The following GAB2 variants were observed in gnomAD, a reference collection of about 807,000 sequenced individuals.
The protein encoded by GAB2 is GRB2 associated binding protein 2.
In GAB2, 26 loss-of-function variants were observed where a neutral mutation model predicts 65.5. The observed-to-expected ratio is 0.40, with a 90% confidence interval of 0.29 to 0.55. The LOEUF is 0.55. GAB2 is among the 20% of genes least tolerant of loss of function. GAB2 has a pLI of 0.53. For synonymous variants in GAB2, 321 were observed against 329.6 expected, an observed-to-expected ratio of 0.97 and a Z score of 0.28; for missense variants, 884 against 875.8, an observed-to-expected ratio of 1.01 and a Z score of -0.12.
At chr11:78,225,704 C>T (rs540276) in intron 4 of GAB2, among the ~76,000 whole-genome samples, 1 of 152,156 alleles carries the variant, frequency 6.6e-6, no homozygotes. Flanking sequence ...AGCTGGGACT[C>T]TAGGGTCTGA....
chr11:78,260,811 T>G (rs940944574), intron 2 of GAB2, among the ~76,000 whole-genome samples: 11 of 152,204 alleles, frequency 7.2e-5, no homozygotes, highest in African/African-American at 2.4e-4. Context: ...ATTTTGCCAT[T>G]TATTCTAATT....
Position 78,226,885 on chromosome 11 carries a change from C to G in GAB2, c.787G>C (p.Asp263His), listed in dbSNP as rs138004774. 35 of 1,614,082 alleles carry G rather than the reference C, an allele frequency of 2.2e-5. No individual in the cohort carries two copies. Among genetic ancestry groups the G allele is most frequent in the Non-Finnish European group, 2.8e-5 (33 of 1,180,024 alleles). Residue 263 changes from aspartate to histidine, a missense_variant, in exon 4 of 10, where the codon GAC (aspartate) becomes CAC (histidine). Asp to His is a moderately conservative substitution (Grantham distance 81). Transcript: ENST00000361507. ...CTGCGGGGGAGGTCGTAGGTACTGT[C>G]TCTGAATTCTGTATTGTGCCGGCTC... ...KPSRHNTEFR[D>H]STYDLPRSLA...
intron 1 of GAB2, among the ~76,000 whole-genome samples, chr11:78,389,356 G>A (rs1856805639): frequency 6.6e-6 from 1 of 151,472 alleles, no homozygotes; most frequent in Non-Finnish European, 1.5e-5. Flanking sequence ...GCCCAGGAAG[G>A]AGTGCAATGG....
intron 1 of GAB2, among the ~76,000 whole-genome samples, chr11:78,320,683 T>C: frequency 1.1e-5 from 1 of 92,692 alleles, no homozygotes; most frequent in Non-Finnish European, 3.6e-5. Context: ...CCCAAGTAGC[T>C]ATGATTACAG....
At chr11:78,227,502 T>C (rs570275396) in intron 3 of GAB2, among the ~76,000 whole-genome samples, 1 of 152,140 alleles carries the variant, frequency 6.6e-6, no homozygotes, top group East Asian at 1.9e-4. Flanking sequence ...AAAAGAATTA[T>C]TTGGGTCAGG....
chr11:78,302,555 G>C (rs1867057368), intron 1 of GAB2, among the ~76,000 whole-genome samples: 1 of 151,740 alleles, frequency 6.6e-6, no homozygotes, highest in South Asian at 2.1e-4. Flanking sequence ...GCAGTGAAAA[G>C]GGAAAACTTC....
intron 1 of GAB2, among the ~76,000 whole-genome samples, chr11:78,313,942 A>T (rs1284386952): frequency 6.6e-6 from 1 of 152,222 alleles, no homozygotes. Context: ...CACATGAAAG[A>T]CTACAGAAAG....
chr11:78,407,330 A>T (rs1857057940), intron 1 of GAB2, among the ~76,000 whole-genome samples: 1 of 152,026 alleles, frequency 6.6e-6, no homozygotes, highest in South Asian at 2.1e-4. Flanking sequence ...CATTGAACGC[A>T]TCCAGAGAAA....
intron 1 of GAB2, among the ~76,000 whole-genome samples, chr11:78,308,945 C>T (rs1417335805): frequency 6.6e-6 from 1 of 152,018 alleles, no homozygotes; most frequent in Non-Finnish European, 1.5e-5. Flanking sequence ...TGGAAACATC[C>T]TGGAAAGATG....
chr11:78,342,414 T>G (rs957955239), intron 1 of GAB2, among the ~76,000 whole-genome samples: 2 of 149,270 alleles, frequency 1.3e-5, no homozygotes, highest in Non-Finnish European at 3.0e-5. Context: ...CTTTTTTTTT[T>G]TTTTTTTTTT....
At chr11:78,394,662 C>T (rs1048770136) in intron 1 of GAB2, among the ~76,000 whole-genome samples, 3 of 151,666 alleles carry the variant, frequency 2.0e-5, no homozygotes, top group Non-Finnish European at 4.4e-5. Flanking sequence ...AGGAGCAGCA[C>T]TGCTGTTACC....
intron 1 of GAB2, among the ~76,000 whole-genome samples, chr11:78,323,615 A>ACT: frequency 6.6e-6 from 1 of 151,564 alleles, no homozygotes; most frequent in Non-Finnish European, 1.5e-5. Context: ...AGACGGAAAT[A>ACT]GTAGACACTG....
intron 1 of GAB2, among the ~76,000 whole-genome samples, chr11:78,334,294 A>C (rs1489940067): frequency 6.6e-6 from 1 of 152,190 alleles, no homozygotes; most frequent in Admixed American, 6.5e-5. Flanking sequence ...TGTACAAATA[A>C]ATTATTATTG....
At chr11:78,297,840 A>G (rs1417159364) in intron 1 of GAB2, among the ~76,000 whole-genome samples, 1 of 152,142 alleles carries the variant, frequency 6.6e-6, no homozygotes, top group Non-Finnish European at 1.5e-5. Context: ...TTATGTACAC[A>G]AACATACATA....
At chr11:78,405,422 G>C (rs1216134465) in intron 1 of GAB2, among the ~76,000 whole-genome samples, 1 of 152,106 alleles carries the variant, frequency 6.6e-6, no homozygotes, top group East Asian at 1.9e-4. Context: ...TTAATGAGAA[G>C]ACTTGGTTTG....
rs915197263 is a variant in GAB2 at position 78,377,182 on chromosome 11, T to G, written c.75+40464A>C. On this transcript the variant is annotated intron_variant, in intron 1 of 9. Coordinates refer to ENST00000361507, the MANE Select transcript of GAB2 (RefSeq NM_080491.3). ...ATTTTAAATTATCCAGTCTCAGGTATTTATTTCTAGCACTGCAAGAACAGC... is the reference window on the plus strand; with the variant it reads ...ATTTTAAATTATCCAGTCTCAGGTAGTTATTTCTAGCACTGCAAGAACAGC... Among the ~76,000 whole-genome samples the G allele has an allele frequency of 6.6e-5, 10 of 152,330 alleles. No individual in the cohort carries two copies. The East Asian group carries it at 1.9e-3, about 29-fold the overall frequency.
At chr11:78,353,373 G>A (rs1424484813) in intron 1 of GAB2, among the ~76,000 whole-genome samples, 2 of 152,188 alleles carry the variant, frequency 1.3e-5, no homozygotes, top group African/African-American at 2.4e-5. Context: ...CCCAGAAAGC[G>A]GAGGTTGCAG....
intron 2 of GAB2, among the ~76,000 whole-genome samples, chr11:78,251,346 T>C (rs1419178638): frequency 6.6e-6 from 1 of 152,172 alleles, no homozygotes; most frequent in East Asian, 1.9e-4. Flanking sequence ...CCCCACTGCC[T>C]ACCACTCCCT....
At chr11:78,256,371 A>AG (rs1376163132) in intron 2 of GAB2, among the ~76,000 whole-genome samples, 1 of 152,208 alleles carries the variant, frequency 6.6e-6, no homozygotes, top group Non-Finnish European at 1.5e-5. Flanking sequence ...CAGGCTTCCC[A>AG]GGGGTGATTG....
Sources: gnomAD v4.1 joint callset for allele counts (sites outside exome capture counted in the v4.1 genomes callset) on GRCh38, gnomAD v4.1.1 for gene constraint, MANE v1.5 for transcripts, NCBI Gene and HGNC (gene_info 2026-07-23, HGNC 2026-07-21) for gene names.